The following GTPBP10 variants were observed in gnomAD, a reference collection of about 807,000 sequenced individuals.
The protein encoded by GTPBP10 is GTP binding protein 10.
In GTPBP10, 38 loss-of-function variants were observed where a neutral mutation model predicts 44.8. That is an observed-to-expected ratio of 0.85 (90% CI 0.65 to 1.11). The LOEUF (loss-of-function observed/expected upper bound fraction) is 1.11, where lower values mean the gene tolerates loss of function less well. Among genes scored for constraint, GTPBP10 ranks in the 50% most tolerant of loss-of-function variants. The pLI is 0.00. For synonymous variants in GTPBP10, 152 were observed against 150.6 expected, an observed-to-expected ratio of 1.01 and a Z score of -0.07; for missense variants, 462 against 453.7, an observed-to-expected ratio of 1.02 and a Z score of -0.17.
In GTPBP10 at chr7:90,385,847, G is replaced by C. The variant is rs1397034496; in HGVS notation, c.*693G>C. On this transcript the variant is annotated 3_prime_UTR_variant, in exon 10 of 10. Transcript: ENST00000222511. ...GAGGAGGGCAGATCACTTGAGGTCA[G>C]GAGTTCAAGACCAGCCTGGCCAACA... 6.6e-6 allele frequency: 1 copy of C among 152,084 alleles called. No individual in the cohort carries two copies. Among genetic ancestry groups the C allele is most frequent in the Non-Finnish European group, 1.5e-5 (1 of 68,036 alleles). 9.4% of individuals were successfully genotyped at this position (152,084 alleles called of 1,614,324 possible).
intron 4 of GTPBP10, among the ~76,000 whole-genome samples, chr7:90,367,563 T>C (rs1448832973): frequency 6.6e-6 from 1 of 152,222 alleles, no homozygotes; most frequent in African/African-American, 2.4e-5. Context: ...TTGATCTTTG[T>C]TGGTTTAAAG....
At chr7:90,370,830 C>T (rs1379703557) in intron 4 of GTPBP10, among the ~76,000 whole-genome samples, 1 of 151,874 alleles carries the variant, frequency 6.6e-6, no homozygotes, top group East Asian at 1.9e-4. Flanking sequence ...ATGGTGAAAC[C>T]CCATCTCTAC....
At chr7:90,360,022 G>C (rs1302266665) in intron 4 of GTPBP10, among the ~76,000 whole-genome samples, 1 of 152,154 alleles carries the variant, frequency 6.6e-6, no homozygotes, top group African/African-American at 2.4e-5. Context: ...TGAGTACTTT[G>C]TAGATTCTGG....
intron 4 of GTPBP10, among the ~76,000 whole-genome samples, chr7:90,357,286 G>A (rs1414439937): frequency 1.3e-5 from 2 of 152,072 alleles, no homozygotes; most frequent in African/African-American, 4.8e-5. Context: ...CTTGCATTAT[G>A]TGCTCAATCA....
At chr7:90,351,750 C>T (rs1278719036) in intron 1 of GTPBP10, among the ~76,000 whole-genome samples, 1 of 152,048 alleles carries the variant, frequency 6.6e-6, no homozygotes, top group Non-Finnish European at 1.5e-5. Context: ...GGCTAGAGTG[C>T]AGTGGCTTGA....
Position 90,385,410 on chromosome 7 carries a change from G to C in GTPBP10, c.*256G>C. ...ATTTACAAAATTTCAGTTAGACAAG[G>C]CAACTGAGTTCAAGAGATCTGTTGT... is the stretch of plus-strand genomic sequence containing the variant. On this transcript the variant is annotated 3_prime_UTR_variant, in exon 10 of 10. Coordinates refer to ENST00000222511, the MANE Select transcript of GTPBP10 (RefSeq NM_033107.4). 3.4e-6 allele frequency: 1 copy of C among 292,326 alleles called. No homozygotes were observed. Among genetic ancestry groups the C allele is most frequent in the Admixed American group, 4.8e-5 (1 of 20,908 alleles). The allele number at this position is 292,326 out of a possible 1,614,324, so 18.1% of individuals were successfully genotyped here.
rs776311954 is a variant in GTPBP10, at chr7:90,372,216, G to T, written c.526G>T (p.Ala176Ser). 1 of 1,597,244 alleles carries T rather than the reference G, an allele frequency of 6.3e-7. No homozygotes were observed. The highest frequency in any genetic ancestry group is 8.6e-7 in the Non-Finnish European group (1 of 1,168,108). Residue 176 changes from alanine to serine, a missense_variant, in exon 5 of 10, where the codon GCA becomes TCA. Transcript: ENST00000222511. ...TGTTTCTCATGCAAAACCTGCAATT[G>T]CAGATTACGCATGTAAGTGTAATTT... ...SCVSHAKPAI[A>S]DYAFTTLKPE... is the part of the protein sequence containing the mutation.
At chr7:90,355,681 C>A (rs568110680) in intron 4 of GTPBP10, among the ~76,000 whole-genome samples, 1 of 149,684 alleles carries the variant, frequency 6.7e-6, no homozygotes, top group Non-Finnish European at 1.5e-5. Flanking sequence ...AAGACCAGTA[C>A]AGACAATCTC....
intron 8 of GTPBP10, among the ~76,000 whole-genome samples, chr7:90,381,515 C>G (rs574352357): frequency 6.6e-6 from 1 of 152,218 alleles, no homozygotes; most frequent in South Asian, 2.1e-4. Flanking sequence ...CAGCACAATC[C>G]ATATCAAAAT....
intron 4 of GTPBP10, among the ~76,000 whole-genome samples, chr7:90,358,781 G>A (rs886216280): frequency 6.6e-6 from 1 of 152,154 alleles, no homozygotes. Context: ...AAAGTCTTGT[G>A]CACAGCAAAA....
At chr7:90,370,271 A>G (rs1239308432) in intron 4 of GTPBP10, among the ~76,000 whole-genome samples, 1 of 152,176 alleles carries the variant, frequency 6.6e-6, no homozygotes, top group African/African-American at 2.4e-5. Context: ...TCACAGTATC[A>G]TTCAGAATTG....
At chr7:90,352,776 A>C in intron 1 of GTPBP10, 40 bp from the exon 2 acceptor site, 2 of 1,480,338 alleles carry the variant, frequency 1.4e-6, no homozygotes, top group Non-Finnish European at 1.8e-6. Context: ...AAGGTGATAC[A>C]CTTTTGGTAT....
intron 5 of GTPBP10, among the ~76,000 whole-genome samples, chr7:90,373,632 AG>A (rs1409516722): frequency 6.6e-6 from 1 of 152,162 alleles, no homozygotes; most frequent in African/African-American, 2.4e-5. Context: ...ATGAGGCTTA[AG>A]GATAACAATG....
rs201041507 is a variant in GTPBP10, at chr7:90,355,239, C to T, written c.464+9C>T. ...GATGTAGGCCTAGTAGGGTAAGTAT[C>T]GTTCATATTTTTATTATTATACTTT... On this transcript the variant is annotated intron_variant, in intron 4 of 9. Transcript: ENST00000222511. The T allele has an allele frequency of 2.3e-4, 337 of 1,481,458 alleles. 3 individuals carry two copies. The highest frequency in any genetic ancestry group is 1.1e-3 in the Middle Eastern group (5 of 4,504). 91.8% of individuals were successfully genotyped at this position (1,481,458 alleles called of 1,614,324 possible).
intron 8 of GTPBP10, 76 bp from the exon 9 acceptor site, chr7:90,382,880 G>T: frequency 1.0e-6 from 1 of 973,624 alleles, no homozygotes; most frequent in South Asian, 2.8e-5. Flanking sequence ...AGATCACCTG[G>T]GTCATTAATT....
At chr7:90,352,751 C>A (rs1795814586) in intron 1 of GTPBP10, 65 bp from the exon 2 acceptor site, 2 of 1,231,762 alleles carry the variant, frequency 1.6e-6, no homozygotes, top group East Asian at 5.1e-5. Flanking sequence ...GAAGAAAGAA[C>A]TAGAAAAAGG....
chr7:90,372,387 G>C (rs971372159), intron 5 of GTPBP10, among the ~76,000 whole-genome samples, 159 bp downstream of exon 5: 1 of 150,868 alleles, frequency 6.6e-6, no homozygotes, highest in Non-Finnish European at 1.5e-5. Flanking sequence ...GCAGTTGCAT[G>C]ATCATGGCTC....
rs918993185 is a variant in GTPBP10, at chr7:90,388,782, T to C, written c.*3628T>C. ...GTTAGAGATTCCTTTCAGTAGTTAA[T>C]GAAAGCTACAGACTTGTCTTGCCGA... On this transcript the variant is annotated 3_prime_UTR_variant, in exon 10 of 10. Coordinates refer to ENST00000222511, the MANE Select transcript of GTPBP10 (RefSeq NM_033107.4). 1.3e-5 allele frequency: 2 copies of C among 152,340 alleles called. No homozygotes were observed. The highest frequency in any genetic ancestry group is 2.1e-4 in the South Asian group (1 of 4,828). The allele number at this position is 152,340 out of a possible 1,614,324, so 9.4% of individuals were successfully genotyped here. A position where few individuals can be genotyped will look rare whatever the true frequency, so the allele number is the denominator to read the frequency against.
chr7:90,350,208 T>C (rs1795763236), intron 1 of GTPBP10, among the ~76,000 whole-genome samples: 1 of 152,336 alleles, frequency 6.6e-6, no homozygotes, highest in East Asian at 1.9e-4. Context: ...GTCAGAATGA[T>C]GGTTTCCAGC....
Sources: gnomAD v4.1 joint callset for allele counts (sites outside exome capture counted in the v4.1 genomes callset) on GRCh38, gnomAD v4.1.1 for gene constraint, MANE v1.5 for transcripts, NCBI Gene and HGNC (gene_info 2026-07-23, HGNC 2026-07-21) for gene names.